The following TOX3 variants were observed in gnomAD, a reference collection of about 807,000 sequenced individuals.
TOX3 encodes the protein CAG trinucleotide repeat-containing gene F9 protein.
Under a neutral mutation model 64.3 loss-of-function variants are expected in TOX3, and 22 were observed. That is an observed-to-expected ratio of 0.34 (90% CI 0.24 to 0.49). The LOEUF (loss-of-function observed/expected upper bound fraction) is 0.49, where lower values mean the gene tolerates loss of function less well. TOX3 is among the 20% of genes least tolerant of loss of function. TOX3 has a pLI of 0.99. For missense variants in TOX3, 661 were observed against 714.4 expected, an observed-to-expected ratio of 0.93 and a Z score of 0.85; for synonymous variants, 291 against 273.6, an observed-to-expected ratio of 1.06 and a Z score of -0.63.
At chr16:52,535,158 A>T (rs1356118901) in intron 1 of TOX3, among the ~76,000 whole-genome samples, 1 of 152,190 alleles carries the variant, frequency 6.6e-6, no homozygotes, top group African/African-American at 2.4e-5. Flanking sequence ...ACTTGGAGAT[A>T]CCCAAGAAGG....
intron 1 of TOX3, among the ~76,000 whole-genome samples, chr16:52,525,268 G>GA: frequency 6.6e-6 from 1 of 152,162 alleles, no homozygotes; most frequent in Non-Finnish European, 1.5e-5. Flanking sequence ...GGGGAGGGGG[G>GA]TTCTCTATCT....
At chr16:52,540,134 T>A (rs976418536) in intron 1 of TOX3, among the ~76,000 whole-genome samples, 2 of 152,046 alleles carry the variant, frequency 1.3e-5, no homozygotes, top group Non-Finnish European at 2.9e-5. Context: ...ATCTCAGCAC[T>A]TTGGGAGGTC....
rs542388013 is a variant in TOX3 at position 52,457,554 on chromosome 16, A to G, written c.408+6380T>C. Among the ~76,000 whole-genome samples, 696 of 152,354 alleles carry G rather than the reference A, an allele frequency of 4.6e-3. 2 individuals carry two copies. The highest frequency in any genetic ancestry group is 7.8e-3 in the Non-Finnish European group (528 of 68,032). The stretch of plus-strand genomic sequence containing the variant: ...TTAATCAATATTTCTTGAGAAATGA[A>G]GTAATTAAACAATTATCAGCAATAA... On this transcript the variant is annotated intron_variant, in intron 3 of 6. Transcript: ENST00000219746.
intron 1 of TOX3, among the ~76,000 whole-genome samples, chr16:52,498,796 GT>G (rs1003856080): frequency 2.6e-5 from 4 of 152,212 alleles, no homozygotes; most frequent in Non-Finnish European, 4.4e-5. Context: ...CATCGCCACG[GT>G]GGCAGGGAAG....
intron 4 of TOX3, among the ~76,000 whole-genome samples, chr16:52,447,035 C>A (rs898589971): frequency 6.6e-6 from 1 of 152,120 alleles, no homozygotes; most frequent in Non-Finnish European, 1.5e-5. Flanking sequence ...ACACATTGAC[C>A]ATATGAACTC....
chr16:52,534,972 G>A (rs1962919015), intron 1 of TOX3, among the ~76,000 whole-genome samples: 1 of 152,016 alleles, frequency 6.6e-6, no homozygotes, highest in Non-Finnish European at 1.5e-5. Flanking sequence ...AAATCACTGG[G>A]TATTTTAAGT....
intron 1 of TOX3, among the ~76,000 whole-genome samples, chr16:52,477,354 T>TA (rs2047402500): frequency 6.6e-6 from 1 of 152,078 alleles, no homozygotes; most frequent in South Asian, 2.1e-4. Context: ...AGGATTTTGT[T>TA]AGAGGAAGGA....
intron 1 of TOX3, among the ~76,000 whole-genome samples, chr16:52,502,718 A>T (rs1241283973): frequency 6.6e-6 from 1 of 152,372 alleles, no homozygotes; most frequent in East Asian, 1.9e-4. Flanking sequence ...TAAGAATTCC[A>T]TGATATCCTA....
intron 1 of TOX3, among the ~76,000 whole-genome samples, chr16:52,509,864 T>C (rs1160856041): frequency 6.6e-6 from 1 of 152,200 alleles, no homozygotes; most frequent in Non-Finnish European, 1.5e-5. Flanking sequence ...ACCTTTAGAT[T>C]TGAATTATCA....
chr16:52,442,729 G>C (rs1960037249), intron 6 of TOX3, among the ~76,000 whole-genome samples: 1 of 152,160 alleles, frequency 6.6e-6, no homozygotes, highest in Non-Finnish European at 1.5e-5. Context: ...GACTATATTA[G>C]TTGCCTCACA....
intron 6 of TOX3, 84 bp from the exon 7 acceptor site, chr16:52,440,052 ATTTT>A: frequency 8.5e-7 from 1 of 1,174,360 alleles, no homozygotes; most frequent in Non-Finnish European, 1.2e-6. Flanking sequence ...TTATAAATTG[ATTTT>A]TTTTAACGGC....
At chr16:52,483,208 CT>C (rs1356517703) in intron 1 of TOX3, among the ~76,000 whole-genome samples, 2 of 152,298 alleles carry the variant, frequency 1.3e-5, no homozygotes, top group Admixed American at 1.3e-4. Flanking sequence ...GTTTTAATGA[CT>C]TTAATAAGAT....
At chr16:52,508,755 T>A (rs1962226654) in intron 1 of TOX3, among the ~76,000 whole-genome samples, 2 of 152,300 alleles carry the variant, frequency 1.3e-5, no homozygotes, top group South Asian at 4.1e-4. Context: ...TTCAAAATTA[T>A]TGATAACTTT....
intron 6 of TOX3, 77 bp from the exon 7 acceptor site, chr16:52,440,045 T>G (rs771310137): frequency 1.7e-4 from 210 of 1,245,580 alleles, no homozygotes; most frequent in Non-Finnish European, 2.2e-4. Context: ...TTAGATATTA[T>G]AAATTGATTT....
chr16:52,499,853 T>C (rs1961955586), intron 1 of TOX3, among the ~76,000 whole-genome samples: 1 of 152,208 alleles, frequency 6.6e-6, no homozygotes, highest in South Asian at 2.1e-4. Context: ...TGCAAAGCTC[T>C]TTATAAAAGC....
chr16:52,546,591 G>T (rs1458439908), intron 1 of TOX3, 46 bp downstream of exon 1: 1 of 1,511,240 alleles, frequency 6.6e-7, no homozygotes, highest in Non-Finnish European at 8.9e-7. Flanking sequence ...CGCCCAGGAT[G>T]GGGAGGTGGC....
Position 52,546,665 on chromosome 16 carries a change from T to C in TOX3, c.59A>G (p.Gln20Arg), listed in dbSNP as rs1963198170. 1.3e-6 allele frequency: 2 copies of C among 1,542,312 alleles called. No homozygotes were observed. The highest frequency in any genetic ancestry group is 2.4e-5 in the East Asian group (1 of 41,020). The change falls in exon 1 of 7, where the codon CAG becomes CGG. Residue 20 changes from glutamine to arginine, a missense_variant. Gln to Arg is a conservative substitution (Grantham distance 43). This residue lies in a region of TOX3 where 259 missense variants were observed against 261.2 expected (regional missense o/e 0.99). Coordinates refer to ENST00000219746, the MANE Select transcript of TOX3 (RefSeq NM_001080430.4). ...AGDPASLDFAQCLGYYGYSKF... is the reference protein window; with the variant it reads ...AGDPASLDFARCLGYYGYSKF... Reference sequence around the variant, plus strand: ...GCTGTAGCCGTAGTACCCCAGGCACTGCGCGAAGTCCAGGCTGGCAGGGTC... The same window carrying C: ...GCTGTAGCCGTAGTACCCCAGGCACCGCGCGAAGTCCAGGCTGGCAGGGTC...
At chr16:52,473,578 C>A (rs536465277) in intron 1 of TOX3, among the ~76,000 whole-genome samples, 1 of 152,268 alleles carries the variant, frequency 6.6e-6, no homozygotes, top group East Asian at 1.9e-4. Context: ...CGGTTAACTA[C>A]CCCCTGGAAG....
chr16:52,482,295 T>C (rs1466876188), intron 1 of TOX3, among the ~76,000 whole-genome samples: 1 of 152,204 alleles, frequency 6.6e-6, no homozygotes, highest in East Asian at 1.9e-4. Context: ...AGTCACTGCA[T>C]ACTAATACAT....
Sources: gnomAD v4.1 joint callset for allele counts (sites outside exome capture counted in the v4.1 genomes callset) on GRCh38, gnomAD v4.1.1 for gene constraint, gnomAD v4.1.1 regional missense constraint, MANE v1.5 for transcripts, NCBI Gene and HGNC (gene_info 2026-07-23, HGNC 2026-07-21) for gene names.